The following WDR74 variants were observed in gnomAD, a reference collection of about 807,000 sequenced individuals.
The protein encoded by WDR74 is WD repeat domain 74, also known as WD repeat-containing protein 74.
In WDR74, 31 loss-of-function variants were observed where a neutral mutation model predicts 45.6. The ratio of observed to expected loss-of-function variants is 0.68; its 90% CI spans 0.51 to 0.92. The LOEUF is 0.92. Among genes scored for constraint, WDR74 ranks in the 40% least tolerant of loss-of-function variants. WDR74 has a pLI of 0.00. For synonymous variants in WDR74, 191 were observed against 192.4 expected, an observed-to-expected ratio of 0.99 and a Z score of 0.06; for missense variants, 455 against 497.2, an observed-to-expected ratio of 0.92 and a Z score of 0.81.
At chr11:62,841,323 A>C (rs945731350), upstream of WDR74, among the ~76,000 whole-genome samples, 1 of 152,142 alleles carries the variant, frequency 6.6e-6, no homozygotes, top group African/African-American at 2.4e-5. Flanking sequence ...TCTCAAAAAA[A>C]ATAAATAAGA....
At chr11:62,835,292 CAG>C in intron 6 of WDR74, 137 bp downstream of exon 6, 1 of 711,240 alleles carries the variant, frequency 1.4e-6, no homozygotes, top group Admixed American at 2.7e-5. Context: ...GGCTCAGGGA[CAG>C]GGTTGGAACA....
chr11:62,841,562 C>CTTGTACCCTAACTGATCGAAATTAGT (rs2085055579), upstream of WDR74: 2 of 152,080 alleles, frequency 1.3e-5, no homozygotes, highest in Non-Finnish European at 2.9e-5. Context: ...AACTATTTAG[C>CTTGTACCCTAACTGATCGAAATTAGT]TTGTACCCTA....
intron 3 of WDR74, chr11:62,836,300 G>A (rs771343310): frequency 1.2e-5 from 5 of 419,610 alleles, no homozygotes; most frequent in African/African-American, 2.0e-5. Flanking sequence ...ACAGGGTGAG[G>A]GTTTACCAAG....
At chr11:62,841,445 CGTGCTCAGTT>C (rs2085048851), upstream of WDR74, 1 of 152,206 alleles carries the variant, frequency 6.6e-6, no homozygotes, top group African/African-American at 2.4e-5. Flanking sequence ...TACTACGCTC[CGTGCTCAGTT>C]ATAAAACAAA....
In WDR74 at chr11:62,834,664, A is replaced by G. The variant is rs936702434; in HGVS notation, c.619-137T>C. ...CCAGAAACTTTCTCATCTTAGATGT[A>G]TGCCTCTTCTCTGAGCATCAGGGTG... On this transcript the variant is annotated intron_variant, in intron 6 of 10. Coordinates refer to ENST00000278856, the MANE Select transcript of WDR74 (RefSeq NM_001369450.1). 1.1e-5 allele frequency: 8 copies of G among 730,456 alleles called. No individual in the cohort carries two copies. The African/African-American group carries it at 1.4e-4, about 13-fold the overall frequency. 45.2% of individuals were successfully genotyped at this position (730,456 alleles called of 1,614,324 possible).
upstream of WDR74, chr11:62,839,745 G>T: frequency 2.6e-6 from 2 of 770,890 alleles, no homozygotes; most frequent in South Asian, 1.9e-5. Flanking sequence ...TGTTTATGTA[G>T]ATCGGAAGAA....
Position 62,833,948 on chromosome 11 carries a change from G to T in WDR74, c.776-11C>A, listed in dbSNP as rs774731332. ...AGCCCAGTAGACGCCCTAGAGAAGG[G>T]GGGAAGCATCCGTGATAACTGGCTG... On this transcript the variant is annotated splice_polypyrimidine_tract_variant and intron_variant, in intron 8 of 10. Transcript: ENST00000278856. 2 of 1,611,730 alleles carry T rather than the reference G, an allele frequency of 1.2e-6. No individual in the cohort carries two copies. Among genetic ancestry groups the T allele is most frequent in the Non-Finnish European group, 1.7e-6 (2 of 1,178,714 alleles).
chr11:62,835,872 C>A, intron 4 of WDR74, 31 bp from the exon 5 acceptor site: 1 of 1,597,990 alleles, frequency 6.3e-7, no homozygotes, highest in Non-Finnish European at 8.5e-7. Context: ...GAGTCCGTTC[C>A]AGAGTCCTTA....
At chr11:62,841,654 A>G (rs529642087), upstream of WDR74, 4 of 152,366 alleles carry the variant, frequency 2.6e-5, no homozygotes, top group East Asian at 5.8e-4. Context: ...CTGCAATACC[A>G]GGTCGATGCG....
intron 8 of WDR74, 34 bp from the exon 9 acceptor site, chr11:62,833,971 C>A: frequency 6.2e-7 from 1 of 1,607,074 alleles, no homozygotes; most frequent in Non-Finnish European, 8.5e-7. Context: ...TGATAACTGG[C>A]TGGCCAATAA....
chr11:62,839,481 T>C (rs1590990882), intron 1 of WDR74, 26 bp downstream of exon 1: 1 of 1,613,190 alleles, frequency 6.2e-7, no homozygotes, highest in East Asian at 2.2e-5. Flanking sequence ...CCCCTGCACT[T>C]CCCGACGCCC....
chr11:62,835,847 AAGAAT>A lies in WDR74; in HGVS notation c.370-11_370-7del, dbSNP rs780853195. On this transcript the variant is annotated splice_region_variant and splice_polypyrimidine_tract_variant and intron_variant, in intron 4 of 10. Coordinates refer to ENST00000278856, the MANE Select transcript of WDR74 (RefSeq NM_001369450.1). ...CCCACTCTCAGTTCCAGGAGCTGTA[AAGAAT>A]AGGAGATAAGAGTCCGTTCCAGAGT... 6 of 1,608,316 alleles carry A rather than the reference AAGAAT, an allele frequency of 3.7e-6. No individual in the cohort carries two copies. Among genetic ancestry groups the A allele is most frequent in the Non-Finnish European group, 5.1e-6 (6 of 1,177,256 alleles).
chr11:62,833,296 T>TAAAAAAAAAA (rs1048706100), intron 10 of WDR74, among the ~76,000 whole-genome samples, 165 bp from the exon 11 acceptor site: 3 of 50,862 alleles, frequency 5.9e-5, no homozygotes, highest in Admixed American at 2.4e-4. Context: ...AAAAGAAGTT[T>TAAAAAAAAAA]AAAAAAAAAA....
Position 62,833,688 on chromosome 11 carries a change from G to C in WDR74, c.922-14C>G. 6.4e-7 allele frequency: 1 copy of C among 1,563,108 alleles called. No individual in the cohort carries two copies. The highest frequency in any genetic ancestry group is 1.4e-5 in the African/African-American group (1 of 73,658). On this transcript the variant is annotated splice_polypyrimidine_tract_variant and intron_variant, in intron 9 of 10. Transcript: ENST00000278856. ...CTTGAGATAAACCTGCAAAAGATGA[G>C]GGACCTTAAGGAGCCAGGCATGCTG...
upstream of WDR74, chr11:62,841,579 C>A (rs111430065): frequency 2.0e-5 from 3 of 152,280 alleles, no homozygotes; most frequent in African/African-American, 7.2e-5. Context: ...CCTAACTGAT[C>A]GAAATCTTCC....
Position 62,834,302 on chromosome 11 carries a change from T to A in WDR74, c.749A>T (p.Gln250Leu). The A allele has an allele frequency of 6.2e-7, 1 of 1,613,972 alleles. No individual in the cohort carries two copies. Among genetic ancestry groups the A allele is most frequent in the Non-Finnish European group, 8.5e-7 (1 of 1,179,894 alleles). The change falls in exon 8 of 11, where the codon CAG becomes CTG. Residue 250 changes from glutamine (Q) to leucine (L), a missense_variant. Physicochemically the swap from Gln to Leu is moderately radical, Grantham distance 113. Coordinates refer to ENST00000278856, the MANE Select transcript of WDR74 (RefSeq NM_001369450.1). The stretch of plus-strand genomic sequence containing the variant: ...TTGCCGAAGGTCAATTTCTGCCAGC[T>A]GCCCATGAGTGTTTCCCACAATCAC... ...NSVIVGNTHG[Q>L]LAEIDLRQGR...
chr11:62,834,390 G>C (rs779143474), intron 7 of WDR74, 37 bp downstream of exon 7: 1 of 1,558,842 alleles, frequency 6.4e-7, no homozygotes, highest in African/African-American at 1.4e-5. Context: ...CCCTTCTCAA[G>C]CCCCACCCTC....
At chr11:62,838,760 CAAAAAAAA>C (rs112966057) in intron 3 of WDR74, among the ~76,000 whole-genome samples, 1 of 99,590 alleles carries the variant, frequency 1.0e-5, no homozygotes, top group African/African-American at 3.2e-5. Flanking sequence ...ACTCCGTCTC[CAAAAAAAA>C]AAAAAACAAA....
At position 62,834,322 on chromosome 11, in the gene WDR74, A is replaced by G. The variant is rs1353723532; in HGVS notation, c.729T>C (p.Ile243=). 1.2e-6 allele frequency: 2 copies of G among 1,613,924 alleles called. No homozygotes were observed. Among genetic ancestry groups the G allele is most frequent in the Non-Finnish European group, 1.7e-6 (2 of 1,179,886 alleles). ...MTLTPGGNSV[I]VGNTHGQLAE... Reference sequence around the variant, plus strand: ...CCAGCTGCCCATGAGTGTTTCCCACAATCACTGAGCTGAGGATGAGACCAG... The same window carrying G: ...CCAGCTGCCCATGAGTGTTTCCCACGATCACTGAGCTGAGGATGAGACCAG... Residue 243 remains isoleucine (I), a synonymous_variant, in exon 8 of 11, where the codon ATT becomes ATC. Coordinates refer to ENST00000278856, the MANE Select transcript of WDR74 (RefSeq NM_001369450.1).
Sources: gnomAD v4.1 joint callset for allele counts (sites outside exome capture counted in the v4.1 genomes callset) on GRCh38, gnomAD v4.1.1 for gene constraint, MANE v1.5 for transcripts, NCBI Gene and HGNC (gene_info 2026-07-23, HGNC 2026-07-21) for gene names.